Variants in RASSF9 observed in about 807,000 individuals in gnomAD.
RASSF9 encodes ras association domain-containing protein 9.
In RASSF9, 18 loss-of-function variants were observed where a neutral mutation model predicts 21.4. The observed-to-expected ratio is 0.84, with a 90% CI of 0.58 to 1.25. RASSF9 has a LOEUF of 1.25. Ranked by LOEUF, RASSF9 falls within the 50% of genes most tolerant of loss-of-function variation. The pLI, the probability that RASSF9 is intolerant of heterozygous loss-of-function variation, is 0.00. For synonymous variants in RASSF9, 183 were observed against 179.1 expected, an observed-to-expected ratio of 1.02 and a Z score of -0.18; for missense variants, 480 against 503.2, an observed-to-expected ratio of 0.95 and a Z score of 0.44.
intron 1 of RASSF9, among the ~76,000 whole-genome samples, chr12:85,825,778 A>G (rs953557007): frequency 7.5e-6 from 1 of 133,514 alleles, no homozygotes; most frequent in African/African-American, 3.1e-5. Flanking sequence ...AAATAATGTG[A>G]TCTTTACACA....
chr12:85,825,043 A>G (rs1262993527), intron 1 of RASSF9, among the ~76,000 whole-genome samples: 4 of 152,070 alleles, frequency 2.6e-5, no homozygotes, highest in Non-Finnish European at 5.9e-5. Flanking sequence ...TCACTCCGTG[A>G]CCAGGCTGGA....
chr12:85,822,582 C>T (rs911620813), intron 1 of RASSF9, among the ~76,000 whole-genome samples: 2 of 152,132 alleles, frequency 1.3e-5, no homozygotes, highest in Non-Finnish European at 2.9e-5. Flanking sequence ...TTCTTGGGAA[C>T]ATTATTGATA....
chr12:85,822,516 A>G (rs1408137439), intron 1 of RASSF9, among the ~76,000 whole-genome samples: 1 of 152,210 alleles, frequency 6.6e-6, no homozygotes, highest in African/African-American at 2.4e-5. Flanking sequence ...ACTTGTAGAA[A>G]CGAGAGTATA....
chr12:85,812,051 T>G (rs916543723), intron 1 of RASSF9, among the ~76,000 whole-genome samples: 1 of 151,804 alleles, frequency 6.6e-6, no homozygotes, highest in African/African-American at 2.4e-5. Flanking sequence ...AATGCTCTTT[T>G]AGTCATATCT....
intron 1 of RASSF9, among the ~76,000 whole-genome samples, chr12:85,822,068 A>C (rs1180813118): frequency 2.0e-5 from 3 of 152,200 alleles, no homozygotes; most frequent in African/African-American, 7.2e-5. Flanking sequence ...TTCGCAACAA[A>C]AAAAAAGTGC....
chr12:85,832,517 C>G (rs1880473276), intron 1 of RASSF9, among the ~76,000 whole-genome samples: 1 of 151,842 alleles, frequency 6.6e-6, no homozygotes, highest in South Asian at 2.1e-4. Flanking sequence ...TAAAGACAAT[C>G]ACATTCACAA....
chr12:85,828,463 T>C lies in RASSF9; in HGVS notation c.47+7692A>G, dbSNP rs527960679. Among the ~76,000 whole-genome samples the C allele has an allele frequency of 1.5e-4, 23 of 152,270 alleles. No homozygotes were observed. The East Asian group carries it at 4.4e-3, about 29-fold the overall frequency. On this transcript the variant is annotated intron_variant, in intron 1 of 1. Transcript: ENST00000361228. ...TATGCTTGTATCAAAATATCTCATG[T>C]ATCACATAAATATATATATACACTT...
intron 1 of RASSF9, among the ~76,000 whole-genome samples, chr12:85,822,532 G>A (rs958207645): frequency 6.6e-6 from 1 of 152,034 alleles, no homozygotes; most frequent in East Asian, 1.9e-4. Context: ...GTATATCAGG[G>A]CCTGCCACTC....
intron 1 of RASSF9, among the ~76,000 whole-genome samples, chr12:85,833,782 TCC>T (rs1880504144): frequency 6.6e-6 from 1 of 152,062 alleles, no homozygotes; most frequent in Non-Finnish European, 1.5e-5. Flanking sequence ...ATATTTGTTA[TCC>T]AAATTCTTAC....
Position 85,801,199 on chromosome 12 carries a change from G to A in RASSF9, c.*3503C>T, listed in dbSNP as rs1236296739. On this transcript the variant is annotated 3_prime_UTR_variant, in exon 2 of 2. Coordinates refer to ENST00000361228, the MANE Select transcript of RASSF9 (RefSeq NM_005447.4). ...TTAAATCAGCTTAAAGAGACATTTG[G>A]GGTTTATTAAGTCAGTAATACTATT... 2 of 151,808 alleles carry A rather than the reference G, an allele frequency of 1.3e-5. No homozygotes were observed. The highest frequency in any genetic ancestry group is 2.9e-5 in the Non-Finnish European group (2 of 67,976). The allele number at this position is 151,808 out of a possible 1,614,324, so 9.4% of individuals were successfully genotyped here.
intron 1 of RASSF9, among the ~76,000 whole-genome samples, chr12:85,814,708 T>A (rs1471800470): frequency 1.3e-5 from 2 of 152,028 alleles, no homozygotes; most frequent in African/African-American, 4.8e-5. Context: ...TTATGCTTGC[T>A]ATAATTAATT....
intron 1 of RASSF9, among the ~76,000 whole-genome samples, chr12:85,809,808 C>G (rs1028240197): frequency 2.0e-5 from 3 of 151,826 alleles, no homozygotes; most frequent in Non-Finnish European, 4.4e-5. Context: ...GTGGCCTCCT[C>G]CAGAGATCTG....
chr12:85,804,612 T>A lies in RASSF9; in HGVS notation c.*90A>T. On this transcript the variant is annotated 3_prime_UTR_variant, in exon 2 of 2. Transcript: ENST00000361228. ...ATTGAATACTACAATATGATTTACATTTTTTTGAGTGTTATATTTAAAATG... is the reference window on the plus strand; with the variant it reads ...ATTGAATACTACAATATGATTTACAATTTTTTGAGTGTTATATTTAAAATG... 7.9e-7 allele frequency: 1 copy of A among 1,270,692 alleles called. No individual in the cohort carries two copies. The highest frequency in any genetic ancestry group is 1.1e-6 in the Non-Finnish European group (1 of 938,524). 78.7% of individuals were successfully genotyped at this position (1,270,692 alleles called of 1,614,324 possible).
intron 1 of RASSF9, among the ~76,000 whole-genome samples, chr12:85,823,164 C>G (rs532356193): frequency 4.0e-5 from 6 of 148,984 alleles, no homozygotes; most frequent in African/African-American, 1.5e-4. Flanking sequence ...CACACCACTG[C>G]ACTCCAGCCT....
rs1428920354 is a variant in RASSF9 at position 85,804,719 on chromosome 12, C to A, written c.1291G>T (p.Val431Leu). ...QDSETTVGDVVLLST is the reference protein window; with the variant it reads ...QDSETTVGDVLLLST ...CATTGGAACTATGTTGACAACAGCA[C>A]CACATCTCCTACTGTTGTTTCGGAG... The change falls in exon 2 of 2, where the codon GTG becomes TTG. Residue 431 changes from valine (V) to leucine (L), a missense_variant. Coordinates refer to ENST00000361228, the MANE Select transcript of RASSF9 (RefSeq NM_005447.4). 1 of 1,602,998 alleles carries A rather than the reference C, an allele frequency of 6.2e-7. No individual in the cohort carries two copies. Among genetic ancestry groups the A allele is most frequent in the African/African-American group, 1.3e-5 (1 of 74,802 alleles).
At chr12:85,833,041 C>T (rs1880483344) in intron 1 of RASSF9, among the ~76,000 whole-genome samples, 1 of 151,688 alleles carries the variant, frequency 6.6e-6, no homozygotes, top group Admixed American at 6.6e-5. Context: ...ATCTATTATT[C>T]TCAAATTTCC....
chr12:85,825,847 T>C (rs754777310), intron 1 of RASSF9, among the ~76,000 whole-genome samples: 4 of 151,928 alleles, frequency 2.6e-5, no homozygotes, highest in Non-Finnish European at 4.4e-5. Flanking sequence ...ATGGCTATGT[T>C]TGAAAGCAAT....
At position 85,836,192 on chromosome 12, in the gene RASSF9, A is replaced by G. The variant is rs991510663; in HGVS notation, c.10T>C (p.Phe4Leu). 1 of 1,444,636 alleles carries G rather than the reference A, an allele frequency of 6.9e-7. No individual in the cohort carries two copies. Among genetic ancestry groups the G allele is most frequent in the African/African-American group, 1.5e-5 (1 of 66,478 alleles). The allele number at this position is 1,444,636 out of a possible 1,614,324, so 89.5% of individuals were successfully genotyped here. A position where few individuals can be genotyped will look rare whatever the true frequency, so the allele number is the denominator to read the frequency against. MAP[F>L]GRNLLKTRHK... ...CGAGTCTTTAGCAAGTTTCTTCCAA[A>G]GGGAGCCATGGTCTGTCGGGCAAAC... Residue 4 changes from phenylalanine (F) to leucine (L), a missense_variant, in exon 1 of 2, where the codon TTT (phenylalanine) becomes CTT (leucine). Transcript: ENST00000361228.
chr12:85,829,434 A>T (rs1454795375), intron 1 of RASSF9, among the ~76,000 whole-genome samples: 1 of 152,202 alleles, frequency 6.6e-6, no homozygotes, highest in Non-Finnish European at 1.5e-5. Flanking sequence ...TTATATAAAT[A>T]CACAAAATTA....
Sources: allele counts gnomAD v4.1 joint callset (sites outside exome capture counted in the v4.1 genomes callset), GRCh38; gene constraint gnomAD v4.1.1; transcripts MANE v1.5; gene names NCBI Gene and HGNC (gene_info 2026-07-23, HGNC 2026-07-21).